Variants in CLVS1 observed in about 807,000 individuals in gnomAD.
CLVS1 encodes clavesin 1, also known as clavesin-1.
CLVS1 carries 10 observed loss-of-function variants against 33.1 expected under a neutral mutation model. The observed-to-expected ratio is 0.30, with a 90% CI of 0.19 to 0.51. CLVS1 has a LOEUF of 0.51. Among genes scored for constraint, CLVS1 ranks in the 20% least tolerant of loss-of-function variants. CLVS1 has a pLI of 0.97. For synonymous variants in CLVS1, 163 were observed against 166.1 expected, an observed-to-expected ratio of 0.98 and a Z score of 0.14; for missense variants, 343 against 433.4, an observed-to-expected ratio of 0.79 and a Z score of 1.85.
chr8:61,153,290 G>C (rs1407522205), intron 2 of CLVS1, among the ~76,000 whole-genome samples: 1 of 152,188 alleles, frequency 6.6e-6, no homozygotes, highest in Non-Finnish European at 1.5e-5. Context: ...AGAATTGCCA[G>C]TTCAAATGCT....
rs116501220 is a variant in CLVS1 at position 61,450,698 on chromosome 8, A to G, written c.631-3443A>G. On this transcript the variant is annotated intron_variant, in intron 3 of 5. Transcript: ENST00000325897. ...GAAGACTCTATATTTGTATTTTTCA[A>G]TGCATTAAGTGAGACATACTGTAGG... Among the ~76,000 whole-genome samples the G allele has an allele frequency of 4.9e-3, 752 of 152,322 alleles. 5 individuals are homozygous for G. The highest frequency in any genetic ancestry group is 0.017 in the African/African-American group (718 of 41,564).
At chr8:61,029,360 T>C in the CLVS1 span, among the ~76,000 whole-genome samples, 5 of 152,162 alleles carry the variant, frequency 3.3e-5, no homozygotes, top group East Asian at 9.7e-4. Flanking sequence ...GAAAACTGGG[T>C]CAACTGTGGG....
chr8:61,154,087 G>A (rs1806601682), intron 2 of CLVS1, among the ~76,000 whole-genome samples: 1 of 152,162 alleles, frequency 6.6e-6, no homozygotes, highest in African/African-American at 2.4e-5. Flanking sequence ...ACCCAAGGCA[G>A]CAATTACAAG....
At chr8:61,459,379 G>T (rs1456212270) in intron 5 of CLVS1, among the ~76,000 whole-genome samples, 7 of 151,794 alleles carry the variant, frequency 4.6e-5, no homozygotes, top group Non-Finnish European at 7.4e-5. Context: ...AAGTTATTGG[G>T]GTACAGGTGG....
chr8:61,197,089 G>A (rs1404886886), intron 2 of CLVS1, among the ~76,000 whole-genome samples: 4 of 152,194 alleles, frequency 2.6e-5, no homozygotes, highest in Admixed American at 6.5e-5. Flanking sequence ...TGAGGCATCC[G>A]TTGTATAATG....
intron 2 of CLVS1, among the ~76,000 whole-genome samples, chr8:61,282,153 A>G (rs1016052027): frequency 2.0e-5 from 3 of 152,238 alleles, no homozygotes; most frequent in African/African-American, 4.8e-5. Flanking sequence ...TCACCTGATA[A>G]TGACTAAATA....
At chr8:61,413,840 G>A (rs941219666) in intron 3 of CLVS1, among the ~76,000 whole-genome samples, 2 of 152,210 alleles carry the variant, frequency 1.3e-5, no homozygotes, top group African/African-American at 2.4e-5. Flanking sequence ...ATACGTTCAA[G>A]GTACTGCCAC....
chr8:61,236,210 T>A (rs1808555174), intron 2 of CLVS1, among the ~76,000 whole-genome samples: 1 of 152,126 alleles, frequency 6.6e-6, no homozygotes, highest in Non-Finnish European at 1.5e-5. Context: ...GAACAGTGCA[T>A]TGGCTAAGGG....
intron 3 of CLVS1, among the ~76,000 whole-genome samples, chr8:61,423,407 T>G (rs1459395875): frequency 3.3e-5 from 5 of 152,154 alleles, no homozygotes; most frequent in African/African-American, 4.8e-5. Flanking sequence ...TCAAAACAAA[T>G]CATTATGACT....
At chr8:61,490,672 A>G (rs1804042255) in intron 5 of CLVS1, among the ~76,000 whole-genome samples, 1 of 149,380 alleles carries the variant, frequency 6.7e-6, no homozygotes, top group Non-Finnish European at 1.5e-5. Flanking sequence ...AAAAAAAAAA[A>G]GTAGGTAAAT....
At chr8:61,269,889 C>A (rs1005856492) in intron 2 of CLVS1, among the ~76,000 whole-genome samples, 21 of 149,120 alleles carry the variant, frequency 1.4e-4, no homozygotes, top group Non-Finnish European at 2.2e-4. Flanking sequence ...GCTGAAGTTG[C>A]TTATCAGCTT....
At chr8:61,023,808 C>T in the CLVS1 span, among the ~76,000 whole-genome samples, 1 of 152,150 alleles carries the variant, frequency 6.6e-6, no homozygotes, top group South Asian at 2.1e-4. Context: ...CAGGACAGAG[C>T]TCTCAGCCGC....
intron 2 of CLVS1, among the ~76,000 whole-genome samples, chr8:61,272,717 T>C (rs1809472522): frequency 6.6e-6 from 1 of 152,200 alleles, no homozygotes; most frequent in Admixed American, 6.5e-5. Context: ...TTCTCTAAAC[T>C]TCCCTTCTCA....
chr8:61,282,450 G>A (rs761268194), intron 2 of CLVS1, among the ~76,000 whole-genome samples: 1 of 152,216 alleles, frequency 6.6e-6, no homozygotes, highest in Non-Finnish European at 1.5e-5. Flanking sequence ...CAAGAGGCCT[G>A]ATAGCCTAAT....
At chr8:61,118,177 T>G (rs1805773716) in intron 1 of CLVS1, among the ~76,000 whole-genome samples, 2 of 152,010 alleles carry the variant, frequency 1.3e-5, no homozygotes, top group East Asian at 1.9e-4. Context: ...TTTGTAGTAT[T>G]CTCTGATGGT....
intron 3 of CLVS1, among the ~76,000 whole-genome samples, chr8:61,384,727 G>T (rs775119464): frequency 1.3e-5 from 2 of 152,114 alleles, no homozygotes; most frequent in African/African-American, 2.4e-5. Context: ...GTTTAGGATG[G>T]ATCCATAGAT....
chr8:61,461,175 T>C (rs1817352717), intron 5 of CLVS1, among the ~76,000 whole-genome samples: 1 of 152,208 alleles, frequency 6.6e-6, no homozygotes, highest in Non-Finnish European at 1.5e-5. Flanking sequence ...AAAATTGACA[T>C]GAATTGATGT....
chr8:60,988,852 G>C, the CLVS1 span, among the ~76,000 whole-genome samples: 2 of 152,116 alleles, frequency 1.3e-5, no homozygotes, highest in Non-Finnish European at 2.9e-5. Context: ...AGCTTTTTTG[G>C]TTTGTCTTAT....
chr8:61,056,070 C>T (rs1000412725), upstream of CLVS1, among the ~76,000 whole-genome samples: 2 of 152,226 alleles, frequency 1.3e-5, no homozygotes, highest in African/African-American at 4.8e-5. Flanking sequence ...TTATTTCACA[C>T]TGACCAGTGT....
Sources: allele counts gnomAD v4.1 joint callset (sites outside exome capture counted in the v4.1 genomes callset), GRCh38; gene constraint gnomAD v4.1.1; transcripts MANE v1.5; gene names NCBI Gene and HGNC (gene_info 2026-07-23, HGNC 2026-07-21).